CNTN5: variants seen among roughly 807,000 people sequenced by gnomAD.
CNTN5 encodes the protein contactin 5, also known as contactin-5.
A neutral mutation model predicts 129.1 loss-of-function variants in CNTN5; 77 were observed. That is an observed-to-expected ratio of 0.60 (90% CI 0.50 to 0.72). The LOEUF (loss-of-function observed/expected upper bound fraction) is 0.72. Among genes scored for constraint, CNTN5 ranks in the 30% least tolerant of loss-of-function variants. The pLI is 0.00. For synonymous variants in CNTN5, 509 were observed against 465.6 expected (o/e 1.09, Z -1.20); for missense variants, 1,478 against 1,328.8 (o/e 1.11, Z -1.75).
At chr11:99,913,077 T>C (rs1324304338) in intron 6 of CNTN5, among the ~76,000 whole-genome samples, 2 of 152,074 alleles carry the variant, frequency 1.3e-5, no homozygotes, top group Admixed American at 1.3e-4. Flanking sequence ...TCTTGGTACA[T>C]GTAACGTGTC....
In CNTN5 at chr11:99,436,831, C is replaced by T. The variant is rs566690439; in HGVS notation, c.-71+111347C>T. ...TCATTCTTTCTTGATCATAAGATCT[C>T]CTTCATACACTCAACATCGAGATAT... On this transcript the variant is annotated intron_variant, in intron 2 of 24. Coordinates refer to ENST00000524871, the MANE Select transcript of CNTN5 (RefSeq NM_014361.4). Among the ~76,000 whole-genome samples, 17 of 152,294 alleles carry T rather than the reference C, an allele frequency of 1.1e-4. No individual in the cohort carries two copies. The South Asian group carries it at 3.1e-3, about 28-fold the overall frequency.
rs1034177961 is a variant in CNTN5 at position 100,356,505 on chromosome 11, A to G, written c.*285A>G. ...GTAATTTCTGTCAAATGTATTCTTT[A>G]CTTTTTTAATATGTTGGGATTTTAT... On this transcript the variant is annotated 3_prime_UTR_variant, in exon 25 of 25. Transcript: ENST00000524871. 1 of 406,988 alleles carries G rather than the reference A, an allele frequency of 2.5e-6. No individual in the cohort carries two copies. Among genetic ancestry groups the G allele is most frequent in the African/African-American group, 2.1e-5 (1 of 48,396 alleles). 25.2% of individuals were successfully genotyped at this position (406,988 alleles called of 1,614,324 possible).
At chr11:100,040,936 A>G (rs114478119) in intron 9 of CNTN5, among the ~76,000 whole-genome samples, 2,071 of 152,204 alleles carry the variant, frequency 0.014, 46 homozygotes, top group African/African-American at 0.046. Flanking sequence ...GAGTGAGGTG[A>G]TTCCTCGCCC....
chr11:99,377,507 C>T (rs1940257305), intron 2 of CNTN5, among the ~76,000 whole-genome samples: 1 of 151,868 alleles, frequency 6.6e-6, no homozygotes, highest in South Asian at 2.1e-4. Context: ...TCCTAATTGG[C>T]TTTCTTAATT....
At chr11:99,208,658 A>T (rs1434813214) in intron 1 of CNTN5, among the ~76,000 whole-genome samples, 1 of 152,108 alleles carries the variant, frequency 6.6e-6, no homozygotes, top group Non-Finnish European at 1.5e-5. Context: ...TATTTTGTTT[A>T]TTCTAGGAAA....
intron 13 of CNTN5, among the ~76,000 whole-genome samples, chr11:100,075,760 C>T (rs183567309): frequency 3.1e-4 from 47 of 152,144 alleles, no homozygotes; most frequent in African/African-American, 9.9e-4. Context: ...TTTGCTTTGA[C>T]GAAGGGAAGT....
intron 1 of CNTN5, among the ~76,000 whole-genome samples, chr11:99,061,658 A>G (rs1864884775): frequency 6.6e-6 from 1 of 152,088 alleles, no homozygotes; most frequent in Non-Finnish European, 1.5e-5. Flanking sequence ...ATGTGAGGAC[A>G]ATTTTCAGTT....
At chr11:99,326,962 T>C (rs1397116324) in intron 2 of CNTN5, among the ~76,000 whole-genome samples, 1 of 152,182 alleles carries the variant, frequency 6.6e-6, no homozygotes, top group Non-Finnish European at 1.5e-5. Flanking sequence ...CTGTATTCTG[T>C]CTATAAACGT....
At chr11:99,074,558 G>A (rs1865482914) in intron 1 of CNTN5, among the ~76,000 whole-genome samples, 1 of 152,070 alleles carries the variant, frequency 6.6e-6, no homozygotes, top group Non-Finnish European at 1.5e-5. Context: ...TGCCCAGGCT[G>A]ATCTCAAACT....
chr11:100,138,929 C>T (rs1049069444), intron 13 of CNTN5, among the ~76,000 whole-genome samples: 5 of 152,026 alleles, frequency 3.3e-5, no homozygotes, highest in South Asian at 2.1e-4. Context: ...TCTTTCTAGA[C>T]GTATTTGGAA....
intron 8 of CNTN5, among the ~76,000 whole-genome samples, chr11:99,982,013 C>T (rs930317105): frequency 6.6e-6 from 1 of 151,996 alleles, no homozygotes; most frequent in Non-Finnish European, 1.5e-5. Flanking sequence ...ATGGATCCAT[C>T]GATGTAATTA....
chr11:99,851,682 A>T (rs1289089225), intron 6 of CNTN5, among the ~76,000 whole-genome samples: 2 of 152,238 alleles, frequency 1.3e-5, no homozygotes, highest in Non-Finnish European at 2.9e-5. Context: ...ATTTGAACAT[A>T]CTGCTTTTCA....
At chr11:100,255,222 T>C (rs766789614) in intron 16 of CNTN5, among the ~76,000 whole-genome samples, 9 of 152,228 alleles carry the variant, frequency 5.9e-5, no homozygotes, top group Non-Finnish European at 1.2e-4. Flanking sequence ...ACCTTGTCTA[T>C]ACTATCATTA....
In CNTN5 at chr11:99,520,305, C is replaced by T. The variant is rs1347567145; in HGVS notation, c.-70-35840C>T. Among the ~76,000 whole-genome samples, 3 of 152,082 alleles carry T rather than the reference C, an allele frequency of 2.0e-5. No homozygotes were observed. The East Asian group carries it at 5.8e-4, about 29-fold the overall frequency. On this transcript the variant is annotated intron_variant, in intron 2 of 24. Coordinates refer to ENST00000524871, the MANE Select transcript of CNTN5 (RefSeq NM_014361.4). ...TAATAACACCAAATTTGTATAGTCT[C>T]TCCTAGATAACTGCTTTTAATGAAC...
At chr11:100,072,864 A>G (rs1480041474) in intron 12 of CNTN5, among the ~76,000 whole-genome samples, 2 of 152,002 alleles carry the variant, frequency 1.3e-5, no homozygotes, top group Non-Finnish European at 2.9e-5. Flanking sequence ...TCACAGTATA[A>G]TAGCACTGAA....
At chr11:100,061,100 G>T in intron 9 of CNTN5, 112 bp from the exon 10 acceptor site, 1 of 789,676 alleles carries the variant, frequency 1.3e-6, no homozygotes. Context: ...GTCCTTAATT[G>T]TGATTACATT....
chr11:99,588,188 C>T (rs1289850738), intron 3 of CNTN5, among the ~76,000 whole-genome samples: 1 of 151,874 alleles, frequency 6.6e-6, no homozygotes, highest in Non-Finnish European at 1.5e-5. Flanking sequence ...CTAAAACACA[C>T]AAAAAATTAG....
intron 1 of CNTN5, among the ~76,000 whole-genome samples, chr11:99,155,708 A>G (rs930651252): frequency 1.2e-4 from 19 of 152,374 alleles, no homozygotes; most frequent in African/African-American, 4.6e-4. Context: ...CAGGCAATAA[A>G]AAGACTACTT....
chr11:99,194,889 G>C (rs1858823910), intron 1 of CNTN5, among the ~76,000 whole-genome samples: 1 of 152,156 alleles, frequency 6.6e-6, no homozygotes, highest in African/African-American at 2.4e-5. Context: ...ACAGGTGTGA[G>C]CCACCAAGGC....
Sources: allele counts gnomAD v4.1 joint callset (sites outside exome capture counted in the v4.1 genomes callset), GRCh38; gene constraint gnomAD v4.1.1; transcripts MANE v1.5; gene names NCBI Gene and HGNC (gene_info 2026-07-23, HGNC 2026-07-21).